LOXHD1: variants seen among roughly 807,000 people sequenced by gnomAD.
LOXHD1 encodes the protein lipoxygenase homology domain-containing protein 1.
In LOXHD1, 205 loss-of-function variants were observed where a neutral mutation model predicts 248.2. That is an observed-to-expected ratio of 0.83 (90% CI 0.74 to 0.93). The LOEUF (loss-of-function observed/expected upper bound fraction) is 0.93, where lower values mean the gene tolerates loss of function less well. LOXHD1 is among the 40% of genes least tolerant of loss of function. The pLI, the probability that LOXHD1 is intolerant of heterozygous loss-of-function variation, is 0.00. For synonymous variants in LOXHD1, 1,113 were observed against 1,162.8 expected (o/e 0.96, Z 0.87); for missense variants, 2,930 against 2,971.6 (o/e 0.99, Z 0.33).
intron 12 of LOXHD1, among the ~76,000 whole-genome samples, chr18:46,588,372 C>A (rs2038101477): frequency 6.6e-6 from 1 of 152,176 alleles, no homozygotes; most frequent in Non-Finnish European, 1.5e-5. Context: ...TCCATACTAT[C>A]ACCAGAATTA....
At chr18:46,565,156 C>CGG (rs1408355911) in intron 17 of LOXHD1, among the ~76,000 whole-genome samples, 2 of 151,886 alleles carry the variant, frequency 1.3e-5, no homozygotes, top group Non-Finnish European at 2.9e-5. Flanking sequence ...CCCAGCTACT[C>CGG]AGGAGGCTGA....
chr18:46,655,268 TG>T (rs2039165220), intron 1 of LOXHD1, among the ~76,000 whole-genome samples: 1 of 152,214 alleles, frequency 6.6e-6, no homozygotes, highest in African/African-American at 2.4e-5. Flanking sequence ...TGTGAAGTGG[TG>T]CTGATCCGCC....
At chr18:46,632,122 A>G (rs1355241394) in intron 4 of LOXHD1, among the ~76,000 whole-genome samples, 3 of 152,228 alleles carry the variant, frequency 2.0e-5, no homozygotes, top group Non-Finnish European at 2.9e-5. Flanking sequence ...CGTGGGGATA[A>G]TAATAGCCGC....
At chr18:46,540,625 T>A (rs1372520618) in intron 25 of LOXHD1, among the ~76,000 whole-genome samples, 1 of 148,820 alleles carries the variant, frequency 6.7e-6, no homozygotes, top group African/African-American at 2.4e-5. Flanking sequence ...ACTGAACATA[T>A]TCAAAGTCAA....
intron 8 of LOXHD1, 105 bp downstream of exon 8, chr18:46,601,112 C>T (rs2038330021): frequency 7.2e-6 from 10 of 1,396,208 alleles, no homozygotes; most frequent in Non-Finnish European, 9.6e-6. Flanking sequence ...CCCATGCACT[C>T]TGTAACTAGT....
At chr18:46,620,676 G>A (rs16939803) in intron 4 of LOXHD1, among the ~76,000 whole-genome samples, 11,041 of 152,258 alleles carry the variant, frequency 0.073, 515 homozygotes, top group Non-Finnish European at 0.11. Context: ...CAAGCACATT[G>A]GTGGAGAGCC....
At chr18:46,559,648 G>C (rs2037468604) in intron 19 of LOXHD1, 46 bp from the exon 20 acceptor site, 3 of 1,541,744 alleles carry the variant, frequency 1.9e-6, no homozygotes, top group Non-Finnish European at 2.6e-6. Flanking sequence ...ATGGCCATGG[G>C]GTGTTTGGAC....
At chr18:46,628,326 T>C (rs2038772896) in intron 4 of LOXHD1, among the ~76,000 whole-genome samples, 1 of 152,186 alleles carries the variant, frequency 6.6e-6, no homozygotes, top group Admixed American at 6.6e-5. Flanking sequence ...GGCGGGGAGC[T>C]GCTGTGAGCT....
At chr18:46,607,225 G>A (rs1036544061) in intron 6 of LOXHD1, among the ~76,000 whole-genome samples, 26 of 150,790 alleles carry the variant, frequency 1.7e-4, no homozygotes, top group African/African-American at 6.1e-4. Flanking sequence ...AATAACATGG[G>A]GATATATGCA....
At chr18:46,624,586 A>G (rs2038714496) in intron 4 of LOXHD1, among the ~76,000 whole-genome samples, 1 of 152,050 alleles carries the variant, frequency 6.6e-6, no homozygotes, top group African/African-American at 2.4e-5. Context: ...CTGGACACCC[A>G]TTGCCTCTCA....
intron 28 of LOXHD1, 73 bp downstream of exon 28, chr18:46,533,089 C>G (rs2036145581): frequency 1.3e-6 from 2 of 1,491,430 alleles, no homozygotes; most frequent in East Asian, 4.9e-5. Context: ...TAGCCTGGCA[C>G]AGGGCATGTG....
rs542648855 is a variant in LOXHD1, at chr18:46,569,595, C to A, written c.2091G>T (p.Gly697=). The A allele has an allele frequency of 6.4e-7, 1 of 1,551,608 alleles. No homozygotes were observed. ...HISLKTGDVS[G]ASTDSRVYIK... is the part of the protein sequence containing the mutation. ...TGTAGACTCTAGAATCCGTGCTGGCCCCAGAGACATCCCCAGTCTTCAAGC... is the reference window on the plus strand; with the variant it reads ...TGTAGACTCTAGAATCCGTGCTGGCACCAGAGACATCCCCAGTCTTCAAGC... The change falls in exon 16 of 41, where the codon GGG becomes GGT. Residue 697 remains glycine (G), a synonymous_variant. Coordinates refer to ENST00000642948, the MANE Select transcript of LOXHD1 (RefSeq NM_001384474.1).
In LOXHD1 at chr18:46,557,439, A is replaced by C. The variant is rs1568181888; in HGVS notation, c.3267T>G (p.Ile1089Met). Residue 1089 changes from isoleucine to methionine, a missense_variant, in exon 21 of 41, where the codon ATT (isoleucine) becomes ATG (methionine). Transcript: ENST00000642948. The stretch of plus-strand genomic sequence containing the variant: ...TGCCTGTGTTGTCGTGGCGAATCCG[A>C]ATCTTGGTCAGGGCCCCCAGGTCAA... Reference protein sequence around the residue: ...YAIDLGALTKIRIRHDNTGNR... With the variant: ...YAIDLGALTKMRIRHDNTGNR... The C allele has an allele frequency of 6.4e-7, 1 of 1,552,052 alleles. No homozygotes were observed. Among genetic ancestry groups the C allele is most frequent in the African/African-American group, 1.4e-5 (1 of 73,102 alleles).
At chr18:46,501,260 C>T (rs1018022954) in intron 37 of LOXHD1, among the ~76,000 whole-genome samples, 11 of 152,198 alleles carry the variant, frequency 7.2e-5, no homozygotes, top group African/African-American at 1.4e-4. Flanking sequence ...TTGCCAAATG[C>T]CATGCACGTT....
chr18:46,569,966 T>C (rs1411101827), intron 15 of LOXHD1, among the ~76,000 whole-genome samples: 1 of 152,130 alleles, frequency 6.6e-6, no homozygotes, highest in East Asian at 1.9e-4. Context: ...TTTCCCACAA[T>C]CATCTGGTCT....
Position 46,489,287 on chromosome 18 carries a change from G to C in LOXHD1, c.5879-145C>G, listed in dbSNP as rs964056727. On this transcript the variant is annotated intron_variant, in intron 37 of 40. Coordinates refer to ENST00000642948, the MANE Select transcript of LOXHD1 (RefSeq NM_001384474.1). ...GCCTTGATCTCCTTGTTGATAAAGT[G>C]AGGGGTTGGGTTAGGTGGTCTCAGA... The C allele has an allele frequency of 1.9e-5, 16 of 849,948 alleles. No homozygotes were observed. The South Asian group carries it at 2.6e-4, about 14-fold the overall frequency. The allele number at this position is 849,948 out of a possible 1,614,324, so 52.7% of individuals were successfully genotyped here. A position where few individuals can be genotyped will look rare whatever the true frequency, so the allele number is the denominator to read the frequency against.
Position 46,521,210 on chromosome 18 carries a change from C to T in LOXHD1, c.5158G>A (p.Gly1720Ser). 1 of 1,551,756 alleles carries T rather than the reference C, an allele frequency of 6.4e-7. No homozygotes were observed. Among genetic ancestry groups the T allele is most frequent in the Non-Finnish European group, 8.7e-7 (1 of 1,146,998 alleles). ...TTACAGTTCAACATGTACTTGGTGC[C>T]CTGGGTGGGCACTGCCAAACACAAC... Reference protein sequence around the residue: ...EELCLAVPTQGTKYMLNCNCW... With the variant: ...EELCLAVPTQSTKYMLNCNCW... The change falls in exon 33 of 41, where the codon GGC (glycine) becomes AGC (serine). Residue 1720 changes from glycine to serine, a missense_variant. Coordinates refer to ENST00000642948, the MANE Select transcript of LOXHD1 (RefSeq NM_001384474.1).
chr18:46,624,818 T>G (rs2038718194), intron 4 of LOXHD1, among the ~76,000 whole-genome samples: 1 of 152,160 alleles, frequency 6.6e-6, no homozygotes, highest in South Asian at 2.1e-4. Flanking sequence ...TCTCCCTTTC[T>G]TCTTCTGTCT....
intron 33 of LOXHD1, among the ~76,000 whole-genome samples, 183 bp from the exon 34 acceptor site, chr18:46,518,439 C>A (rs750435943): frequency 2.0e-5 from 3 of 152,244 alleles, no homozygotes; most frequent in Non-Finnish European, 4.4e-5. Flanking sequence ...CTCTTATATA[C>A]CCCACTGTGC....
Sources: gnomAD v4.1 joint callset for allele counts (sites outside exome capture counted in the v4.1 genomes callset) on GRCh38, gnomAD v4.1.1 for gene constraint, MANE v1.5 for transcripts, NCBI Gene and HGNC (gene_info 2026-07-23, HGNC 2026-07-21) for gene names.